The following CTNNA2 variants were observed in gnomAD, a reference collection of about 807,000 sequenced individuals.
The protein encoded by CTNNA2 is catenin alpha-2.
In CTNNA2, 42 loss-of-function variants were observed where a neutral mutation model predicts 101.0. That is an observed-to-expected ratio of 0.42 (90% confidence interval 0.32 to 0.54). The LOEUF (loss-of-function observed/expected upper bound fraction) is 0.54. Ranked by LOEUF, CTNNA2 falls within the 20% of genes least tolerant of loss-of-function variation. The pLI, the probability that CTNNA2 is intolerant of heterozygous loss-of-function variation, is 0.14. For synonymous variants in CTNNA2, 450 were observed against 456.4 expected (o/e 0.99, Z 0.18); for missense variants, 871 against 1,223.1 (o/e 0.71, Z 4.29).
At chr2:79,891,273 C>T (rs954064439) in intron 6 of CTNNA2, among the ~76,000 whole-genome samples, 2 of 152,106 alleles carry the variant, frequency 1.3e-5, no homozygotes, top group African/African-American at 2.4e-5. Context: ...AGTTAAGAAT[C>T]GTGTTTTATT....
chr2:80,510,038 C>T (rs1688586952), intron 9 of CTNNA2, among the ~76,000 whole-genome samples: 1 of 152,132 alleles, frequency 6.6e-6, no homozygotes, highest in Admixed American at 6.5e-5. Flanking sequence ...TAGGGCAATG[C>T]CTATGTTCTA....
chr2:79,470,593 A>G (rs1670987496), intron 4 of CTNNA2, among the ~76,000 whole-genome samples: 4 of 152,178 alleles, frequency 2.6e-5, no homozygotes, highest in Admixed American at 2.6e-4. Context: ...CACTGGTAAT[A>G]ATTACCAAAT....
chr2:79,280,663 A>AGAGAG (rs1238782976), intron 2 of CTNNA2, among the ~76,000 whole-genome samples: 46 of 49,342 alleles, frequency 9.3e-4, no homozygotes, highest in Middle Eastern at 9.6e-3. Flanking sequence ...GTGTAAGAGA[A>AGAGAG]AGAGAGAGAG....
At chr2:79,300,173 C>T (rs774313771) in intron 2 of CTNNA2, among the ~76,000 whole-genome samples, 1 of 152,138 alleles carries the variant, frequency 6.6e-6, no homozygotes, top group Non-Finnish European at 1.5e-5. Context: ...GCTCTAACTA[C>T]TCATCCCTTC....
chr2:79,472,256 A>G lies in CTNNA2; in HGVS notation c.-134-32798A>G, dbSNP rs151067718. Among the ~76,000 whole-genome samples the G allele has an allele frequency of 1.1e-3, 164 of 152,360 alleles. 1 individual carries two copies. The highest frequency in any genetic ancestry group is 3.7e-3 in the African/African-American group (154 of 41,584). On this transcript the variant is annotated intron_variant, in intron 4 of 21. Transcript: ENST00000466387. ...AAGTTCTATGAGAACTGAAGGCTTG[A>G]GAATAATCCTTTTTGGCTTCATGCC...
At chr2:80,115,864 G>A (rs1047867872) in intron 7 of CTNNA2, among the ~76,000 whole-genome samples, 2 of 152,128 alleles carry the variant, frequency 1.3e-5, no homozygotes, top group African/African-American at 4.8e-5. Flanking sequence ...CCAGGGTTTA[G>A]GTCCTTGCTT....
rs146978473 is a variant in CTNNA2, at chr2:79,352,105, A to G, written c.-317-21726A>G. 3.9e-5 allele frequency among the ~76,000 whole-genome samples: 6 copies of G among 152,248 alleles called. No homozygotes were observed. The East Asian group carries it at 9.6e-4, about 24-fold the overall frequency. The stretch of plus-strand genomic sequence containing the variant: ...GCATTTGTTATTTTTTGACTTTTTA[A>G]TAATAGCCATTCTGATTGGTGTGAG... On this transcript the variant is annotated intron_variant, in intron 3 of 21. Coordinates refer to the CTNNA2 transcript ENST00000466387.
At chr2:80,373,241 G>A (rs1036352382) in intron 7 of CTNNA2, among the ~76,000 whole-genome samples, 1 of 152,068 alleles carries the variant, frequency 6.6e-6, no homozygotes, top group Non-Finnish European at 1.5e-5. Context: ...AATGAATCAG[G>A]ACCAATGGTT....
At chr2:79,538,575 G>T (rs75122120) in intron 1 of CTNNA2, among the ~76,000 whole-genome samples, 3 of 152,172 alleles carry the variant, frequency 2.0e-5, no homozygotes, top group African/African-American at 7.2e-5. Flanking sequence ...AGCAGATTTT[G>T]AGAGTGGAAA....
intron 3 of CTNNA2, among the ~76,000 whole-genome samples, chr2:79,856,607 T>C (rs1024216076): frequency 6.6e-6 from 1 of 152,214 alleles, no homozygotes; most frequent in African/African-American, 2.4e-5. Flanking sequence ...CAGTTTTCAC[T>C]CCCCAAAGTG....
intron 2 of CTNNA2, among the ~76,000 whole-genome samples, chr2:79,711,034 C>T (rs1406545380): frequency 6.6e-6 from 1 of 152,076 alleles, no homozygotes; most frequent in South Asian, 2.1e-4. Flanking sequence ...CTCATTTTCT[C>T]CTTTTTGTTT....
At position 80,393,311 on chromosome 2, in the gene CTNNA2, C is replaced by A; in HGVS notation, c.1137+20C>A. The A allele has an allele frequency of 6.4e-7, 1 of 1,551,144 alleles. No homozygotes were observed. The highest frequency in any genetic ancestry group is 8.8e-7 in the Non-Finnish European group (1 of 1,131,520). ...AGACAGGTACTATTTTTTATTTTTA[C>A]TTTAAGTCCATGATATTCAGTAGTG... On this transcript the variant is annotated intron_variant, in intron 8 of 18. Transcript: ENST00000402739.
intron 7 of CTNNA2, among the ~76,000 whole-genome samples, chr2:80,356,495 T>A (rs918272299): frequency 6.6e-6 from 1 of 152,054 alleles, no homozygotes; most frequent in Non-Finnish European, 1.5e-5. Flanking sequence ...ATAATAAACA[T>A]TTATTGTGTA....
At chr2:80,391,571 T>C (rs983062520) in intron 7 of CTNNA2, among the ~76,000 whole-genome samples, 3 of 152,192 alleles carry the variant, frequency 2.0e-5, no homozygotes, top group South Asian at 2.1e-4. Flanking sequence ...GAGCTCCACA[T>C]AGGTGCCCTG....
At chr2:79,787,393 G>C (rs13402062) in intron 3 of CTNNA2, among the ~76,000 whole-genome samples, 23,687 of 143,952 alleles carry the variant, frequency 0.16, 3,095 homozygotes, top group East Asian at 0.45. Context: ...AGAAGACACA[G>C]GGAGGAGTAG....
In CTNNA2 at chr2:80,120,063, G is replaced by T. The variant is rs944159574; in HGVS notation, c.1056+210266G>T. On this transcript the variant is annotated intron_variant, in intron 7 of 18. Coordinates refer to ENST00000402739, the MANE Select transcript of CTNNA2 (RefSeq NM_001282597.3). ...AATTACTAATAGGCTCTGCATTGCT[G>T]AGGAGGAACTTTTTAAATTTTCCTC... Among the ~76,000 whole-genome samples, 50 of 152,276 alleles carry T rather than the reference G, an allele frequency of 3.3e-4. 1 individual carries two copies. The highest frequency in any genetic ancestry group is 1.2e-3 in the African/African-American group (48 of 41,554).
intron 7 of CTNNA2, among the ~76,000 whole-genome samples, chr2:80,085,235 T>C (rs1699368627): frequency 6.6e-6 from 1 of 152,070 alleles, no homozygotes; most frequent in Non-Finnish European, 1.5e-5. Context: ...TTGCTCAGTG[T>C]AGTCTTATGT....
At chr2:80,443,944 T>C (rs1393849518) in intron 9 of CTNNA2, among the ~76,000 whole-genome samples, 2 of 152,150 alleles carry the variant, frequency 1.3e-5, no homozygotes, top group East Asian at 3.9e-4. Context: ...ACTAATGCCT[T>C]GTAAAGTGGG....
rs556393395 is a variant in CTNNA2, at chr2:80,345,706, A to G, written c.1057-47505A>G. ...GACTCAATAGTTCTTAATCTTTTCTAGCTTACAGACTATGAACTATTTTAA... is the reference window on the plus strand; with the variant it reads ...GACTCAATAGTTCTTAATCTTTTCTGGCTTACAGACTATGAACTATTTTAA... On this transcript the variant is annotated intron_variant, in intron 7 of 18. Transcript: ENST00000402739. 5.1e-4 allele frequency among the ~76,000 whole-genome samples: 78 copies of G among 152,296 alleles called. 1 individual carries two copies. The highest frequency in any genetic ancestry group is 9.1e-4 in the Non-Finnish European group (62 of 68,012).
Sources: gnomAD v4.1 joint callset for allele counts (sites outside exome capture counted in the v4.1 genomes callset) on GRCh38, gnomAD v4.1.1 for gene constraint, MANE v1.5 for transcripts, NCBI Gene and HGNC (gene_info 2026-07-23, HGNC 2026-07-21) for gene names.